MBTPS1: variants seen among roughly 807,000 people sequenced by gnomAD.
MBTPS1 encodes the protein membrane bound transcription factor peptidase, site 1.
In MBTPS1, 94 loss-of-function variants were observed where a neutral mutation model predicts 127.8. That is an observed-to-expected ratio of 0.74 (90% CI 0.62 to 0.87). MBTPS1 has a LOEUF of 0.87. Among genes scored for constraint, MBTPS1 ranks in the 40% least tolerant of loss-of-function variants. The probability of loss-of-function intolerance (pLI) is 0.00; values close to 1 mark genes in which losing one functional copy is unlikely to be tolerated. For synonymous variants in MBTPS1, 632 were observed against 509.4 expected (o/e 1.24, Z -3.24); for missense variants, 1,636 against 1,353.2 (o/e 1.21, Z -3.28).
intron 11 of MBTPS1, 24 bp from the exon 12 acceptor site, chr16:84,074,765 G>C: frequency 1.2e-6 from 2 of 1,601,712 alleles, no homozygotes; most frequent in South Asian, 1.1e-5. Flanking sequence ...TACAGTGTTA[G>C]AGTAGATCAT....
chr16:84,059,510 A>G, intron 20 of MBTPS1, 82 bp from the exon 21 acceptor site: 1 of 1,338,784 alleles, frequency 7.5e-7, no homozygotes, highest in Non-Finnish European at 1.0e-6. Context: ...CCTTATTATG[A>G]GTCTGTCTGC....
chr16:84,096,917 A>G (rs954606684), intron 3 of MBTPS1, among the ~76,000 whole-genome samples: 1 of 152,202 alleles, frequency 6.6e-6, no homozygotes, highest in Non-Finnish European at 1.5e-5. Context: ...CTCCAGTATT[A>G]TACTCAGTTC....
chr16:84,082,649 A>G (rs933339152), intron 10 of MBTPS1, among the ~76,000 whole-genome samples: 1 of 152,244 alleles, frequency 6.6e-6, no homozygotes, highest in African/African-American at 2.4e-5. Flanking sequence ...TACACAAAAA[A>G]GGAAAACTTA....
chr16:84,108,031 C>T (rs1429354771), intron 1 of MBTPS1, among the ~76,000 whole-genome samples: 1 of 151,800 alleles, frequency 6.6e-6, no homozygotes, highest in South Asian at 2.1e-4. Flanking sequence ...CTTGTCCCCA[C>T]AGACTCACTA....
At chr16:84,108,389 G>C (rs2086353985) in intron 1 of MBTPS1, among the ~76,000 whole-genome samples, 1 of 152,136 alleles carries the variant, frequency 6.6e-6, no homozygotes, top group Non-Finnish European at 1.5e-5. Flanking sequence ...TCAGCCTCCT[G>C]AGTAGCTGGA....
chr16:84,055,105 G>C (rs1355067428), intron 22 of MBTPS1, among the ~76,000 whole-genome samples: 1 of 152,222 alleles, frequency 6.6e-6, no homozygotes, highest in African/African-American at 2.4e-5. Context: ...CCCCGCCTCT[G>C]GGAAAGCCCT....
chr16:84,069,742 A>T, intron 14 of MBTPS1, 124 bp downstream of exon 14: 2 of 901,680 alleles, frequency 2.2e-6, no homozygotes, highest in Non-Finnish European at 3.4e-6. Context: ...TGAACATCTC[A>T]GCGTCATCAG....
At chr16:84,107,762 T>G (rs1258429272) in intron 1 of MBTPS1, among the ~76,000 whole-genome samples, 1 of 150,540 alleles carries the variant, frequency 6.6e-6, no homozygotes, top group Non-Finnish European at 1.5e-5. Context: ...TGGAGGACAG[T>G]GGCACAATCA....
intron 1 of MBTPS1, among the ~76,000 whole-genome samples, chr16:84,114,438 C>G (rs1385258064): frequency 6.6e-6 from 1 of 152,174 alleles, no homozygotes; most frequent in Admixed American, 6.5e-5. Flanking sequence ...TCACACACAT[C>G]ACTCTTGTCT....
chr16:84,112,225 C>A (rs775050958), intron 1 of MBTPS1, among the ~76,000 whole-genome samples: 3 of 151,784 alleles, frequency 2.0e-5, no homozygotes, highest in Non-Finnish European at 4.4e-5. Flanking sequence ...ACAAAAAAAA[C>A]CACTGAAAGA....
chr16:84,087,473 CAAAAAAAAAAAAAAAGAAAAGAA>C lies in MBTPS1; in HGVS notation c.1032-36_1032-14del, dbSNP rs773957412. On this transcript the variant is annotated splice_polypyrimidine_tract_variant and intron_variant, in intron 8 of 22. Coordinates refer to ENST00000343411, the MANE Select transcript of MBTPS1 (RefSeq NM_003791.4). ...GTTATTCAGAGTGCTATATTGAGAC[CAAAAAAAAAAAAAAAGAAAAGAA>C]AAAGAAAAAAACAAGAGAAATAATT... is the stretch of plus-strand genomic sequence containing the variant. 458 of 1,036,906 alleles carry C rather than the reference CAAAAAAAAAAAAAAAGAAAAGAA, an allele frequency of 4.4e-4. 4 individuals are homozygous for C. In the African/African-American group the frequency reaches 7.7e-3, roughly 17 times the overall value. The allele number at this position is 1,036,906 out of a possible 1,614,324, so 64.2% of individuals were successfully genotyped here.
chr16:84,093,124 GTGATTC>G, intron 6 of MBTPS1, 58 bp downstream of exon 6: 1 of 1,080,402 alleles, frequency 9.3e-7, no homozygotes. Context: ...GTACAGTCCA[GTGATTC>G]TGCTTTTTAC....
chr16:84,091,219 C>T (rs1230415948), intron 7 of MBTPS1, among the ~76,000 whole-genome samples: 2 of 152,116 alleles, frequency 1.3e-5, no homozygotes, highest in Admixed American at 6.5e-5. Flanking sequence ...GGCATGGTGG[C>T]TCACGCCTGT....
rs369203745 is a variant in MBTPS1 at position 84,054,471 on chromosome 16, G to A, written c.3137C>T (p.Pro1046Leu). The change falls in exon 23 of 23, where the codon CCG becomes CTG. Residue 1046 changes from proline (P) to leucine (L), a missense_variant. Physicochemically the swap from Pro to Leu is moderately conservative, Grantham distance 98. Transcript: ENST00000343411. ...CGGTCACACCGAAGGGGTCTTTGGC[G>A]GGTGAACCTGCTGCATGAGCTGCGG... is the stretch of plus-strand genomic sequence containing the variant. Reference protein sequence around the residue: ...KRPQLMQQVHPPKTPSV With the variant: ...KRPQLMQQVHLPKTPSV The A allele has an allele frequency of 5.5e-5, 89 of 1,608,768 alleles. No individual in the cohort carries two copies. Among genetic ancestry groups the A allele is most frequent in the Middle Eastern group, 5.0e-4 (3 of 6,034 alleles).
At chr16:84,063,081 T>C (rs532480313) in intron 19 of MBTPS1, among the ~76,000 whole-genome samples, 4 of 152,388 alleles carry the variant, frequency 2.6e-5, no homozygotes, top group South Asian at 2.1e-4. Context: ...AGAGGCATCA[T>C]GGCCCCAACA....
chr16:84,087,454 C>G lies in MBTPS1; in HGVS notation c.1038G>C (p.Leu346=), dbSNP rs1383265759. The G allele has an allele frequency of 2.6e-6, 4 of 1,526,518 alleles. No individual in the cohort carries two copies. The highest frequency in any genetic ancestry group is 4.5e-5 in the East Asian group (2 of 44,118). 94.6% of individuals were successfully genotyped at this position (1,526,518 alleles called of 1,614,324 possible). ...IGNDGPLYGT[L]NNPADQMDVI... is the part of the protein sequence containing the mutation. ...CATCCATTTGATCAGCAGGGTTATT[C>G]AGAGTGCTATATTGAGACCAAAAAA... Residue 346 remains leucine (L), a synonymous_variant, in exon 9 of 23, where the codon CTG becomes CTC. Transcript: ENST00000343411.
At chr16:84,115,450 AC>A (rs1213993145) in intron 1 of MBTPS1, among the ~76,000 whole-genome samples, 1 of 152,222 alleles carries the variant, frequency 6.6e-6, no homozygotes, top group African/African-American at 2.4e-5. Context: ...TCCGCATCAC[AC>A]ATTAGAGCAT....
Position 84,069,932 on chromosome 16 carries a change from T to A in MBTPS1, c.1889A>T (p.Asn630Ile). Reference sequence around the variant, plus strand: ...GAAATAGCCAGGTGGATAGCGGAGGTTGTGGTACTGATCCCAGAGAACTCT... The same window carrying A: ...GAAATAGCCAGGTGGATAGCGGAGGATGTGGTACTGATCCCAGAGAACTCT... ...SKRVLWDQYHNLRYPPGYFPR... is the reference protein window; with the variant it reads ...SKRVLWDQYHILRYPPGYFPR... The change falls in exon 14 of 23, where the codon AAC (asparagine) becomes ATC (isoleucine). Residue 630 changes from asparagine to isoleucine, a missense_variant. Transcript: ENST00000343411. The A allele has an allele frequency of 1.2e-6, 2 of 1,613,996 alleles. No individual in the cohort carries two copies. Among genetic ancestry groups the A allele is most frequent in the South Asian group, 2.2e-5 (2 of 91,062 alleles).
chr16:84,115,249 C>T (rs965714684), intron 1 of MBTPS1, among the ~76,000 whole-genome samples: 6 of 152,164 alleles, frequency 3.9e-5, no homozygotes, highest in Admixed American at 3.3e-4. Flanking sequence ...TCTTGTTAAC[C>T]TCCTGACTAG....
Sources: gnomAD v4.1 joint callset for allele counts (sites outside exome capture counted in the v4.1 genomes callset) on GRCh38, gnomAD v4.1.1 for gene constraint, MANE v1.5 for transcripts, NCBI Gene and HGNC (gene_info 2026-07-23, HGNC 2026-07-21) for gene names.